Variants in DPP6 observed in about 807,000 individuals in gnomAD.
The protein encoded by DPP6 is A-type potassium channel modulatory protein DPP6.
Under a neutral mutation model 122.6 loss-of-function variants are expected in DPP6, and 69 were observed. That is an observed-to-expected ratio of 0.56 (90% confidence interval 0.46 to 0.69). The LOEUF is 0.69. Ranked by LOEUF, DPP6 falls within the 30% of genes least tolerant of loss-of-function variation. DPP6 has a pLI of 0.00. For missense variants in DPP6, 928 were observed against 1,116.9 expected (o/e 0.83, Z 2.41); for synonymous variants, 418 against 433.1 (o/e 0.97, Z 0.43).
chr7:154,712,666 G>T (rs1841257485), intron 7 of DPP6, among the ~76,000 whole-genome samples: 1 of 152,168 alleles, frequency 6.6e-6, no homozygotes, highest in African/African-American at 2.4e-5. Flanking sequence ...AAAACCATCA[G>T]ATCTCATGAG....
the DPP6 span, among the ~76,000 whole-genome samples, chr7:153,780,360 T>C: frequency 2.0e-5 from 3 of 151,784 alleles, no homozygotes; most frequent in African/African-American, 2.4e-5. Context: ...TCTACTGACC[T>C]TTTTTTTAAA....
chr7:154,143,198 C>T (rs973166828), intron 1 of DPP6, among the ~76,000 whole-genome samples: 5 of 152,002 alleles, frequency 3.3e-5, no homozygotes, highest in African/African-American at 1.2e-4. Flanking sequence ...AAGAGTCTGC[C>T]GTATTCAGAA....
upstream of DPP6, among the ~76,000 whole-genome samples, chr7:154,052,236 A>T (rs980357147): frequency 6.6e-6 from 1 of 151,202 alleles, no homozygotes; most frequent in African/African-American, 2.4e-5. This position sits in a 1 kb window ranked among gnomAD's most constrained non-coding sequence, Gnocchi z 4.8. Context: ...GCACCCTCGC[A>T]CCCTTTTGTG....
At chr7:154,874,808 G>T (rs189044109) in intron 19 of DPP6, among the ~76,000 whole-genome samples, 1 of 152,194 alleles carries the variant, frequency 6.6e-6, no homozygotes, top group Non-Finnish European at 1.5e-5. Flanking sequence ...CGGCAAGAGG[G>T]AAAATCACTT....
chr7:154,827,786 G>A (rs759772958), intron 16 of DPP6, among the ~76,000 whole-genome samples: 2 of 141,722 alleles, frequency 1.4e-5, no homozygotes, highest in Non-Finnish European at 3.1e-5. Flanking sequence ...CAGAAAGGAT[G>A]TCCTGTGGGG....
At chr7:154,060,738 G>GT (rs1164039595) in intron 1 of DPP6, among the ~76,000 whole-genome samples, 2 of 135,530 alleles carry the variant, frequency 1.5e-5, no homozygotes, top group Non-Finnish European at 3.2e-5. Context: ...CCCCCCGCGA[G>GT]GCAGGGACTG....
the DPP6 span, among the ~76,000 whole-genome samples, chr7:153,807,317 C>T: frequency 6.6e-6 from 1 of 151,558 alleles, no homozygotes; most frequent in Non-Finnish European, 1.5e-5. Flanking sequence ...GCAGGAGAAT[C>T]GCTTGAACCA....
At chr7:154,368,252 G>A (rs1156234876) in intron 1 of DPP6, among the ~76,000 whole-genome samples, 1 of 152,232 alleles carries the variant, frequency 6.6e-6, no homozygotes, top group Non-Finnish European at 1.5e-5. Flanking sequence ...ATCTGGAGAA[G>A]TACGAGCCTC....
At chr7:154,677,803 G>A (rs1839009271) in intron 7 of DPP6, among the ~76,000 whole-genome samples, 1 of 152,200 alleles carries the variant, frequency 6.6e-6, no homozygotes, top group Admixed American at 6.5e-5. Context: ...CCTGGGATGT[G>A]GAAGCCCCCA....
At chr7:154,668,220 A>ATATATATATATATATATATAT (rs59348250) in intron 6 of DPP6, among the ~76,000 whole-genome samples, 462 of 24,886 alleles carry the variant, frequency 0.019, 37 homozygotes, top group South Asian at 0.043. Flanking sequence ...TATATATATA[A>ATATATATATATATATATATAT]TATACACATT....
At chr7:153,864,695 ACACACACACAC>A in the DPP6 span, among the ~76,000 whole-genome samples, 1 of 151,050 alleles carries the variant, frequency 6.6e-6, no homozygotes, top group Non-Finnish European at 1.5e-5. Context: ...ACACACACAC[ACACACACACAC>A]ACACACACAC....
intron 19 of DPP6, among the ~76,000 whole-genome samples, chr7:154,873,129 G>C (rs1027638167): frequency 6.6e-6 from 1 of 152,250 alleles, no homozygotes; most frequent in African/African-American, 2.4e-5. Context: ...CACCAGCAAA[G>C]AATTTTTTCA....
At chr7:154,152,773 C>T (rs551570083) in intron 1 of DPP6, among the ~76,000 whole-genome samples, 1 of 152,328 alleles carries the variant, frequency 6.6e-6, no homozygotes, top group Admixed American at 6.5e-5. Flanking sequence ...TCTGTAGCTA[C>T]AGCATTTTCC....
chr7:154,409,967 T>TA (rs553293170), intron 1 of DPP6, among the ~76,000 whole-genome samples: 99 of 152,310 alleles, frequency 6.5e-4, no homozygotes, highest in Middle Eastern at 6.8e-3. Context: ...GAGGAGAAAA[T>TA]AGACAAGAAC....
intron 1 of DPP6, among the ~76,000 whole-genome samples, chr7:154,299,300 G>A (rs774653043): frequency 1.3e-5 from 2 of 152,170 alleles, no homozygotes; most frequent in South Asian, 2.1e-4. Context: ...AGTAATGGGC[G>A]TGCAAGAGAA....
At chr7:153,944,991 G>C (rs1378259516) in intron 1 of DPP6, among the ~76,000 whole-genome samples, 1 of 152,096 alleles carries the variant, frequency 6.6e-6, no homozygotes, top group Non-Finnish European at 1.5e-5. Context: ...GCTGCTGGGA[G>C]CACCGCTGTG....
chr7:154,352,684 GGGT>G (rs1171776119), intron 1 of DPP6, among the ~76,000 whole-genome samples: 2 of 151,888 alleles, frequency 1.3e-5, no homozygotes, highest in African/African-American at 4.8e-5. Context: ...GGGGGGTGTG[GGGT>G]AAGGGGAGGG....
At chr7:153,923,820 G>A (rs1443496955) in intron 1 of DPP6, among the ~76,000 whole-genome samples, 1 of 149,966 alleles carries the variant, frequency 6.7e-6, no homozygotes, top group Non-Finnish European at 1.5e-5. Flanking sequence ...ATCTGAAGGA[G>A]TCACCCTGGT....
intron 18 of DPP6, among the ~76,000 whole-genome samples, chr7:154,870,117 C>T (rs973236380): frequency 4.0e-5 from 6 of 150,892 alleles, no homozygotes; most frequent in Non-Finnish European, 7.4e-5. Context: ...GTAGCTGGGA[C>T]CACAGGCAGG....
Sources: allele counts gnomAD v4.1 joint callset (sites outside exome capture counted in the v4.1 genomes callset), GRCh38; gene constraint gnomAD v4.1.1; non-coding constraint Gnocchi (gnomAD v3.1); transcripts MANE v1.5; gene names NCBI Gene and HGNC (gene_info 2026-07-23, HGNC 2026-07-21).